The following MACROD2 variants were observed in gnomAD, a reference collection of about 807,000 sequenced individuals.
The protein encoded by MACROD2 is mono-ADP ribosylhydrolase 2.
MACROD2 carries 36 observed loss-of-function variants against 70.4 expected under a neutral mutation model. The observed-to-expected ratio is 0.51, with a 90% confidence interval of 0.39 to 0.68. The LOEUF (loss-of-function observed/expected upper bound fraction) is 0.68. Ranked by LOEUF, MACROD2 falls within the 30% of genes least tolerant of loss-of-function variation. The probability of loss-of-function intolerance (pLI) is 0.00; values close to 1 mark genes in which losing one functional copy is unlikely to be tolerated. For synonymous variants in MACROD2, 172 were observed against 178.8 expected, an observed-to-expected ratio of 0.96 and a Z score of 0.30; for missense variants, 496 against 538.4, an observed-to-expected ratio of 0.92 and a Z score of 0.78.
chr20:15,219,992 A>ATTTTTTTTTTTTTT (rs200180828), intron 5 of MACROD2, among the ~76,000 whole-genome samples: 3 of 137,798 alleles, frequency 2.2e-5, no homozygotes, highest in Non-Finnish European at 4.7e-5. Flanking sequence ...ATCACTGCAC[A>ATTTTTTTTTTTTTT]TTTTTTTTTT....
At chr20:15,289,058 A>G (rs930043013) in intron 6 of MACROD2, among the ~76,000 whole-genome samples, 1 of 152,170 alleles carries the variant, frequency 6.6e-6, no homozygotes, top group Non-Finnish European at 1.5e-5. Flanking sequence ...AGAGAACATC[A>G]TGCTTTGATT....
intron 4 of MACROD2, among the ~76,000 whole-genome samples, chr20:14,608,149 G>A (rs1187145823): frequency 2.6e-5 from 4 of 152,064 alleles, no homozygotes; most frequent in Non-Finnish European, 4.4e-5. Flanking sequence ...CTAGCTACTT[G>A]GGAGGCTGAG....
chr20:14,388,530 CG>C (rs2083492004), intron 3 of MACROD2, among the ~76,000 whole-genome samples: 1 of 152,060 alleles, frequency 6.6e-6, no homozygotes, highest in Non-Finnish European at 1.5e-5. Flanking sequence ...TATACTGTAT[CG>C]TTGCAATAAA....
In MACROD2 at chr20:15,720,362, G is replaced by A. The variant is rs565943920; in HGVS notation, c.646-142383G>A. Among the ~76,000 whole-genome samples, 11 of 152,084 alleles carry A rather than the reference G, an allele frequency of 7.2e-5. No individual in the cohort carries two copies. In the South Asian group the frequency reaches 2.3e-3, roughly 32 times the overall value. ...ACAGTAGTTCTACTTTTAATTTTTT[G>A]AGGAACCTCCATACTATTTCCCATA... On this transcript the variant is annotated intron_variant, in intron 8 of 17. Coordinates refer to ENST00000684519, the MANE Select transcript of MACROD2 (RefSeq NM_001351661.2).
intron 4 of MACROD2, among the ~76,000 whole-genome samples, chr20:14,625,862 G>A (rs868442551): frequency 1.1e-4 from 17 of 152,090 alleles, no homozygotes; most frequent in Middle Eastern, 3.4e-3. Context: ...TCACTCTATC[G>A]CCCAGGCTGG....
intron 6 of MACROD2, among the ~76,000 whole-genome samples, chr20:15,396,783 T>A (rs2045865432): frequency 6.6e-6 from 1 of 152,228 alleles, no homozygotes; most frequent in African/African-American, 2.4e-5. Context: ...TGTGGAAGAC[T>A]ATAACATGTG....
chr20:14,585,372 G>T (rs1033080952), intron 4 of MACROD2, among the ~76,000 whole-genome samples: 1 of 152,090 alleles, frequency 6.6e-6, no homozygotes, highest in African/African-American at 2.4e-5. Context: ...TTTCCGAAGA[G>T]TTAAAATTAA....
chr20:14,652,114 T>C (rs1198749497), intron 4 of MACROD2, among the ~76,000 whole-genome samples: 1 of 152,182 alleles, frequency 6.6e-6, no homozygotes, highest in Non-Finnish European at 1.5e-5. Flanking sequence ...TGGAAACATA[T>C]GATTGCCTCA....
At chr20:14,436,346 T>G (rs1306129356) in intron 3 of MACROD2, among the ~76,000 whole-genome samples, 4 of 152,182 alleles carry the variant, frequency 2.6e-5, no homozygotes, top group African/African-American at 7.2e-5. Context: ...CAATGTACCT[T>G]CCATATCATG....
intron 6 of MACROD2, among the ~76,000 whole-genome samples, chr20:15,422,856 A>G (rs1464084369): frequency 6.6e-6 from 1 of 152,174 alleles, no homozygotes; most frequent in African/African-American, 2.4e-5. Flanking sequence ...GAGGGGATAT[A>G]CTGTTGGCTC....
At chr20:15,569,384 C>A (rs2048347907) in intron 8 of MACROD2, among the ~76,000 whole-genome samples, 1 of 152,104 alleles carries the variant, frequency 6.6e-6, no homozygotes, top group East Asian at 1.9e-4. Context: ...CAGGTATTAT[C>A]GTTTTTGTGG....
At chr20:15,130,590 G>A (rs2076097967) in intron 5 of MACROD2, among the ~76,000 whole-genome samples, 1 of 151,928 alleles carries the variant, frequency 6.6e-6, no homozygotes, top group African/African-American at 2.4e-5. Flanking sequence ...TCTCCATGAT[G>A]GCATGAAATT....
At chr20:14,797,233 C>A (rs1198006547) in intron 5 of MACROD2, among the ~76,000 whole-genome samples, 1 of 151,998 alleles carries the variant, frequency 6.6e-6, no homozygotes, top group African/African-American at 2.4e-5. Context: ...TTCTTTCAAC[C>A]CATTTCCTAG....
intron 6 of MACROD2, among the ~76,000 whole-genome samples, chr20:15,333,395 C>G (rs6105392): frequency 0.23 from 34,146 of 151,416 alleles, 5,133 homozygotes; most frequent in East Asian, 0.46. Context: ...TCCTCGAAAG[C>G]GAATTGTTTC....
chr20:15,141,783 C>G (rs1357100306), intron 5 of MACROD2, among the ~76,000 whole-genome samples: 1 of 152,122 alleles, frequency 6.6e-6, no homozygotes, highest in African/African-American at 2.4e-5. Context: ...TTCCCAGAAA[C>G]TTTTGCTAGA....
chr20:14,745,490 G>T (rs964249516), intron 5 of MACROD2, among the ~76,000 whole-genome samples: 8 of 152,286 alleles, frequency 5.3e-5, no homozygotes, highest in African/African-American at 1.9e-4. Flanking sequence ...ATTCTAACAT[G>T]TTCAGAGATG....
chr20:15,684,473 A>T (rs577814700), intron 8 of MACROD2, among the ~76,000 whole-genome samples: 1 of 152,362 alleles, frequency 6.6e-6, no homozygotes, highest in African/African-American at 2.4e-5. Context: ...GACGGCTACC[A>T]CAATCATCTG....
intron 5 of MACROD2, among the ~76,000 whole-genome samples, chr20:14,993,523 T>C (rs1600921568): frequency 6.6e-6 from 1 of 151,952 alleles, no homozygotes; most frequent in East Asian, 1.9e-4. Flanking sequence ...TTGTCATCCA[T>C]CTAAGTTAGA....
intron 5 of MACROD2, among the ~76,000 whole-genome samples, chr20:14,954,132 A>G (rs1054398382): frequency 1.3e-5 from 2 of 152,130 alleles, no homozygotes; most frequent in African/African-American, 4.8e-5. Flanking sequence ...CAAGTTTATA[A>G]TAATGCTATT....
Sources: gnomAD v4.1 joint callset for allele counts (sites outside exome capture counted in the v4.1 genomes callset) on GRCh38, gnomAD v4.1.1 for gene constraint, MANE v1.5 for transcripts, NCBI Gene and HGNC (gene_info 2026-07-23, HGNC 2026-07-21) for gene names.